HTR2C: variants seen among roughly 807,000 people sequenced by gnomAD.
HTR2C encodes the protein 5-hydroxytryptamine receptor 2C, also known as 5-hydroxytryptamine (serotonin) receptor 2C, G protein-coupled.
Under a neutral mutation model 21.0 loss-of-function variants are expected in HTR2C, and 5 were observed. That is an observed-to-expected ratio of 0.24 (90% CI 0.12 to 0.50). The LOEUF (loss-of-function observed/expected upper bound fraction) is 0.50. Ranked by LOEUF, HTR2C falls within the 20% of genes least tolerant of loss-of-function variation. HTR2C has a pLI of 0.98. For synonymous variants in HTR2C, 150 were observed against 145.3 expected (o/e 1.03, Z -0.23); for missense variants, 271 against 371.2 (o/e 0.73, Z 2.22).
chrX:114,620,327 G>A (rs1929109732), intron 2 of HTR2C, among the ~76,000 whole-genome samples: 2 of 111,995 alleles, frequency 1.8e-5, no homozygotes, highest in Non-Finnish European at 3.8e-5. Context: ...GCAGCACGAG[G>A]TTCACATTCA....
At chrX:114,823,321 C>A (rs2070651149) in intron 4 of HTR2C, 1 of 310,668 alleles carries the variant, frequency 3.2e-6, no homozygotes, top group Non-Finnish European at 6.2e-6. Flanking sequence ...GTAATCACAA[C>A]CAGTTCATCA....
At chrX:114,668,598 T>C (rs1371910122) in intron 2 of HTR2C, among the ~76,000 whole-genome samples, 2 of 111,491 alleles carry the variant, frequency 1.8e-5, no homozygotes, top group African/African-American at 6.5e-5. Flanking sequence ...AAATAGGTAT[T>C]ACAGTATGTG....
At chrX:114,710,362 G>C (rs1477388491) in intron 2 of HTR2C, among the ~76,000 whole-genome samples, 3 of 110,886 alleles carry the variant, frequency 2.7e-5, no homozygotes, top group African/African-American at 9.8e-5. Context: ...GAGATTGACA[G>C]GTACAATGTT....
At chrX:114,728,969 A>G (rs2069510020) in intron 3 of HTR2C, among the ~76,000 whole-genome samples, 1 of 112,172 alleles carries the variant, frequency 8.9e-6, no homozygotes, top group Non-Finnish European at 1.9e-5. Flanking sequence ...TCTGCAATCA[A>G]CAACTGAAGA....
At chrX:114,710,845 G>T (rs1016753532) in intron 2 of HTR2C, among the ~76,000 whole-genome samples, 4 of 111,049 alleles carry the variant, frequency 3.6e-5, no homozygotes, top group Non-Finnish European at 7.6e-5. Flanking sequence ...CTTCTCTACT[G>T]CCAGAATGCA....
intron 4 of HTR2C, among the ~76,000 whole-genome samples, chrX:114,830,597 T>G (rs782075385): frequency 3.5e-4 from 38 of 109,620 alleles, no homozygotes; most frequent in Non-Finnish European, 1.7e-4. Context: ...TATTTTTTTA[T>G]TTATTTATTT....
At chrX:114,831,060 G>C (rs2070721618) in intron 4 of HTR2C, among the ~76,000 whole-genome samples, 1 of 77,250 alleles carries the variant, frequency 1.3e-5, no homozygotes, top group African/African-American at 4.4e-5. Context: ...GTATTCCATG[G>C]TGTATATGTG....
chrX:114,858,413 G>T (rs2070980361), intron 5 of HTR2C, among the ~76,000 whole-genome samples: 1 of 110,690 alleles, frequency 9.0e-6, no homozygotes, highest in Non-Finnish European at 1.9e-5. Flanking sequence ...TTAATTTAGA[G>T]GTCTTGCACA....
intron 4 of HTR2C, among the ~76,000 whole-genome samples, chrX:114,764,867 CTTTCTTTCTT>C (rs2069922834): frequency 3.1e-5 from 1 of 32,653 alleles, no homozygotes; most frequent in African/African-American, 1.3e-4. Context: ...TGGAATCAAT[CTTTCTTTCTT>C]TCTTTCTTTC....
chrX:114,790,365 G>A (rs188189045), intron 4 of HTR2C, among the ~76,000 whole-genome samples: 58 of 111,742 alleles, frequency 5.2e-4, no homozygotes, highest in Non-Finnish European at 1.1e-3. Context: ...TTTATAATGA[G>A]TTTTAAATGC....
chrX:114,724,371 G>T, intron 2 of HTR2C, among the ~76,000 whole-genome samples: 2 of 102,565 alleles, frequency 1.9e-5, no homozygotes, highest in African/African-American at 7.0e-5. Context: ...TTGCCTGGTA[G>T]ATCTTCCTCC....
chrX:114,722,956 G>A (rs1224657456), intron 2 of HTR2C, among the ~76,000 whole-genome samples: 114 of 111,135 alleles, frequency 1.0e-3, no homozygotes, highest in African/African-American at 3.6e-3. Flanking sequence ...TGTTCATCAA[G>A]GATATCGGTC....
intron 5 of HTR2C, among the ~76,000 whole-genome samples, chrX:114,901,126 G>T: frequency 8.9e-6 from 1 of 112,101 alleles, no homozygotes. Flanking sequence ...AGACACTATG[G>T]GTTGTATGAA....
intron 4 of HTR2C, among the ~76,000 whole-genome samples, chrX:114,751,702 C>G (rs1028261938): frequency 1.8e-5 from 2 of 111,427 alleles, no homozygotes; most frequent in South Asian, 3.8e-4. Flanking sequence ...AATAATTAGG[C>G]CTTTGGGTGT....
intron 5 of HTR2C, among the ~76,000 whole-genome samples, chrX:114,869,828 G>A (rs782191899): frequency 2.2e-4 from 24 of 111,551 alleles, no homozygotes; most frequent in African/African-American, 7.5e-4. Context: ...TTATGTTGAG[G>A]TATGTTCCTT....
intron 5 of HTR2C, among the ~76,000 whole-genome samples, chrX:114,859,725 T>G (rs2070992015): frequency 9.0e-6 from 1 of 111,302 alleles, no homozygotes; most frequent in African/African-American, 3.3e-5. Flanking sequence ...TTCTACTTAC[T>G]TTGGGTTTCA....
chrX:114,681,905 A>T (rs1279341330), intron 2 of HTR2C, among the ~76,000 whole-genome samples: 1 of 111,491 alleles, frequency 9.0e-6, no homozygotes, highest in Non-Finnish European at 1.9e-5. Flanking sequence ...TCAGATACAC[A>T]GTTGTATGGC....
At chrX:114,620,154 G>T in intron 2 of HTR2C, among the ~76,000 whole-genome samples, 1 of 111,868 alleles carries the variant, frequency 8.9e-6, no homozygotes, top group East Asian at 2.8e-4. Flanking sequence ...GGTTGTATAT[G>T]TGAGCTGTCA....
At chrX:114,615,349 A>C (rs1223513785) in intron 2 of HTR2C, among the ~76,000 whole-genome samples, 1 of 106,608 alleles carries the variant, frequency 9.4e-6, no homozygotes, top group East Asian at 2.9e-4. Context: ...TGCTATCAAC[A>C]GCTTTCCAGA....
Sources: allele counts gnomAD v4.1 joint callset (sites outside exome capture counted in the v4.1 genomes callset), GRCh38; gene constraint gnomAD v4.1.1; transcripts MANE v1.5; gene names NCBI Gene and HGNC (gene_info 2026-07-23, HGNC 2026-07-21).